The following ME2 variants were observed in gnomAD, a reference collection of about 807,000 sequenced individuals.
The protein encoded by ME2 is NAD-dependent malic enzyme, mitochondrial.
A neutral mutation model predicts 73.7 loss-of-function variants in ME2; 60 were observed. The ratio of observed to expected loss-of-function variants is 0.81; its 90% CI spans 0.66 to 1.01. The LOEUF (loss-of-function observed/expected upper bound fraction) is 1.01. ME2 is among the 50% of genes least tolerant of loss of function. The pLI is 0.00. For synonymous variants in ME2, 199 were observed against 236.9 expected (o/e 0.84, Z 1.47); for missense variants, 594 against 705.5 (o/e 0.84, Z 1.79).
At chr18:50,883,441 A>G (rs1220461005) in intron 1 of ME2, among the ~76,000 whole-genome samples, 4 of 152,178 alleles carry the variant, frequency 2.6e-5, no homozygotes, top group African/African-American at 4.8e-5. Flanking sequence ...CCAGTTTGTA[A>G]ATACCACCCA....
intron 15 of ME2, 38 bp from the exon 16 acceptor site, chr18:50,946,979 T>G: frequency 1.4e-6 from 2 of 1,476,622 alleles, no homozygotes; most frequent in Non-Finnish European, 1.9e-6. Context: ...AATAGGTTAA[T>G]ACTCAGAGCC....
At chr18:50,887,667 A>G (rs115781007) in intron 1 of ME2, among the ~76,000 whole-genome samples, 65 of 152,348 alleles carry the variant, frequency 4.3e-4, no homozygotes, top group African/African-American at 1.5e-3. Flanking sequence ...TAACACAGAA[A>G]CTAATGTAGA....
chr18:50,912,330 C>G (rs2144224111), intron 3 of ME2, among the ~76,000 whole-genome samples: 1 of 152,284 alleles, frequency 6.6e-6, no homozygotes, highest in East Asian at 1.9e-4. Context: ...ACTTCTAACG[C>G]TCCTGGGTTA....
intron 15 of ME2, among the ~76,000 whole-genome samples, chr18:50,945,919 T>G (rs1051322817): frequency 1.3e-4 from 20 of 151,936 alleles, no homozygotes; most frequent in Admixed American, 9.8e-4. Context: ...ATACAAAAAT[T>G]TACCAGGCAT....
At position 50,952,612 on chromosome 18, in the gene ME2, T is replaced by C. The variant is rs1343663040; in HGVS notation, c.*5428T>C. Reference sequence around the variant, plus strand: ...ATAAAAACTTTGCAATTGGGAGTTATTCCTCCATTCAGCACACTTTTTAAT... The same window carrying C: ...ATAAAAACTTTGCAATTGGGAGTTACTCCTCCATTCAGCACACTTTTTAAT... On this transcript the variant is annotated 3_prime_UTR_variant, in exon 16 of 16. Transcript: ENST00000321341. 2 of 152,250 alleles carry C rather than the reference T, an allele frequency of 1.3e-5. No homozygotes were observed. The highest frequency in any genetic ancestry group is 6.5e-5 in the Admixed American group (1 of 15,290). 9.4% of individuals were successfully genotyped at this position (152,250 alleles called of 1,614,324 possible). A position where few individuals can be genotyped will look rare whatever the true frequency, so the allele number is the denominator to read the frequency against.
chr18:50,932,230 A>T, intron 12 of ME2, 28 bp from the exon 13 acceptor site: 1 of 1,583,196 alleles, frequency 6.3e-7, no homozygotes, highest in Non-Finnish European at 8.6e-7. Flanking sequence ...AAAATAACAA[A>T]ATTGAAGTTA....
At chr18:50,925,664 T>C (rs528280341) in intron 11 of ME2, 92 bp from the exon 12 acceptor site, 1 of 1,042,316 alleles carries the variant, frequency 9.6e-7, no homozygotes, top group Admixed American at 2.1e-5. Flanking sequence ...CCTGTGTTTT[T>C]ATTATTGTAG....
chr18:50,912,939 T>C lies in ME2; in HGVS notation c.381T>C (p.Phe127=), dbSNP rs768842568. 1.9e-6 allele frequency: 3 copies of C among 1,597,834 alleles called. No homozygotes were observed. The South Asian group carries it at 3.5e-5, about 18-fold the overall frequency. Residue 127 remains phenylalanine (F), a synonymous_variant, in exon 4 of 16, where the codon TTT becomes TTC. Transcript: ENST00000321341. ...GLACSQYGHI[F]RRPKGLFISI... The stretch of plus-strand genomic sequence containing the variant: ...CCTGCTCCCAGTATGGACACATCTT[T>C]AGAAGACCTAAGTAAGGCTTGTTTA...
At chr18:50,882,260 A>G (rs902263991) in intron 1 of ME2, among the ~76,000 whole-genome samples, 11 of 152,114 alleles carry the variant, frequency 7.2e-5, no homozygotes, top group African/African-American at 2.7e-4. Context: ...TGGCCTCCCA[A>G]AGTGCTGGGG....
intron 15 of ME2, 40 bp from the exon 16 acceptor site, chr18:50,946,977 A>G: frequency 2.1e-6 from 3 of 1,446,604 alleles, no homozygotes; most frequent in Non-Finnish European, 2.9e-6. Context: ...CTAATAGGTT[A>G]ATACTCAGAG....
chr18:50,879,678 C>T (rs1425742679), intron 1 of ME2, among the ~76,000 whole-genome samples: 1 of 152,266 alleles, frequency 6.6e-6, no homozygotes, highest in African/African-American at 2.4e-5. Context: ...CACAAAAGGA[C>T]TTCTGTGGCT....
At chr18:50,933,108 T>C (rs1156418955) in intron 13 of ME2, 2 of 152,224 alleles carry the variant, frequency 1.3e-5, no homozygotes, top group Admixed American at 1.3e-4. Flanking sequence ...AATAGCTACT[T>C]TTAAAGCAAA....
chr18:50,910,723 TTC>T (rs1917135720), intron 3 of ME2, among the ~76,000 whole-genome samples: 1 of 152,182 alleles, frequency 6.6e-6, no homozygotes. Context: ...CACTCAGCCC[TTC>T]TCTTCAGAGA....
chr18:50,917,769 C>G (rs776619546), intron 6 of ME2, among the ~76,000 whole-genome samples: 1 of 151,946 alleles, frequency 6.6e-6, no homozygotes, highest in Non-Finnish European at 1.5e-5. Context: ...GTCAGGAGTT[C>G]GAGACCAGCC....
At chr18:50,879,418 G>C (rs1916257662) in intron 1 of ME2, 110 bp downstream of exon 1, 1 of 152,118 alleles carries the variant, frequency 6.6e-6, no homozygotes, top group African/African-American at 2.4e-5. Context: ...CGGCCTCCGC[G>C]CGTGCGGCCC....
intron 7 of ME2, 92 bp from the exon 8 acceptor site, chr18:50,920,364 T>C (rs2144237493): frequency 1.1e-6 from 1 of 890,584 alleles, no homozygotes; most frequent in Middle Eastern, 2.3e-4. Flanking sequence ...CATAATACAT[T>C]ATTTTTGAAT....
At chr18:50,942,820 TTTTCA>T in intron 15 of ME2, 1 of 251,430 alleles carries the variant, frequency 4.0e-6, no homozygotes, top group Non-Finnish European at 7.4e-6. Flanking sequence ...TTTTAATAGT[TTTTCA>T]TTTCATTTGG....
intron 12 of ME2, among the ~76,000 whole-genome samples, chr18:50,926,524 G>C (rs1237068837): frequency 2.0e-5 from 3 of 152,132 alleles, no homozygotes; most frequent in Non-Finnish European, 4.4e-5. Context: ...TACTGCTCCT[G>C]AATCTATGGC....
rs190706984 is a variant in ME2, at chr18:50,943,232, G to A, written c.1587+2846G>A. ...TTAGGATTGACTGTGGAATTTATCA[G>A]CCACAATTTCAACTTCCATACAGTT... On this transcript the variant is annotated intron_variant, in intron 15 of 15. Coordinates refer to ENST00000321341, the MANE Select transcript of ME2 (RefSeq NM_002396.5). Among the ~76,000 whole-genome samples the A allele has an allele frequency of 1.3e-4, 20 of 152,100 alleles. No individual in the cohort carries two copies. In the East Asian group the frequency reaches 3.9e-3, roughly 29 times the overall value.
Sources: gnomAD v4.1 joint callset for allele counts (sites outside exome capture counted in the v4.1 genomes callset) on GRCh38, gnomAD v4.1.1 for gene constraint, MANE v1.5 for transcripts, NCBI Gene and HGNC (gene_info 2026-07-23, HGNC 2026-07-21) for gene names.